The following SAMMSON variants were observed in gnomAD, a reference collection of about 807,000 sequenced individuals.
SAMMSON encodes the protein survival associated mitochondrial melanoma specific oncogenic non-coding RNA.
At chr3:70,116,434 T>C (rs530133582) in intron 4 of SAMMSON, among the ~76,000 whole-genome samples, 1 of 152,114 alleles carries the variant, frequency 6.6e-6, no homozygotes, top group African/African-American at 2.4e-5. Flanking sequence ...TCTATTTATT[T>C]ACATGAAAGG....
rs111944881 is a variant in SAMMSON, at chr3:70,196,455, A to T, written n.508-52652A>T. 6.2e-4 allele frequency among the ~76,000 whole-genome samples: 94 copies of T among 152,190 alleles called. 2 individuals are homozygous for T. The highest frequency in any genetic ancestry group is 3.5e-3 in the South Asian group (17 of 4,832). ...AAATTTTTAATTACAAAATGATGTT[A>T]TACAATACATTATTAATAATAACCA... On this transcript the variant is annotated intron_variant and non_coding_transcript_variant, in intron 4 of 9. Coordinates refer to ENST00000642114, the Ensembl canonical transcript of SAMMSON.
At chr3:70,032,975 GAC>G (rs1220269686) in intron 3 of SAMMSON, among the ~76,000 whole-genome samples, 1 of 152,136 alleles carries the variant, frequency 6.6e-6, no homozygotes, top group Non-Finnish European at 1.5e-5. Flanking sequence ...GGACAATTCT[GAC>G]ACACTGAGAG....
At chr3:70,213,947 A>G (rs963762876) in intron 4 of SAMMSON, among the ~76,000 whole-genome samples, 3 of 152,114 alleles carry the variant, frequency 2.0e-5, no homozygotes, top group African/African-American at 7.2e-5. Flanking sequence ...AGAAAAGCAT[A>G]ATAAAAGGTG....
chr3:70,065,805 A>T (rs2067207440), intron 3 of SAMMSON, among the ~76,000 whole-genome samples: 1 of 152,158 alleles, frequency 6.6e-6, no homozygotes, highest in African/African-American at 2.4e-5. Flanking sequence ...AATAGCGCCA[A>T]GGTGCAGAAA....
intron 7 of SAMMSON, among the ~76,000 whole-genome samples, chr3:70,346,833 TA>T (rs1702754966): frequency 6.6e-6 from 1 of 152,216 alleles, no homozygotes; most frequent in African/African-American, 2.4e-5. Flanking sequence ...TATATAATTG[TA>T]ATCCAGTCTT....
chr3:70,300,116 C>G (rs1702333286), intron 7 of SAMMSON, among the ~76,000 whole-genome samples: 1 of 152,114 alleles, frequency 6.6e-6, no homozygotes, highest in South Asian at 2.1e-4. Context: ...TGCTTCCTAC[C>G]TCTGAATCGC....
chr3:70,110,175 G>T (rs9851235), intron 4 of SAMMSON, among the ~76,000 whole-genome samples: 3 of 152,164 alleles, frequency 2.0e-5, no homozygotes, highest in African/African-American at 7.2e-5. Flanking sequence ...TCATATGTTC[G>T]TGTGTCTTTC....
At chr3:70,341,803 T>C (rs892372356) in intron 7 of SAMMSON, among the ~76,000 whole-genome samples, 2 of 151,932 alleles carry the variant, frequency 1.3e-5, no homozygotes, top group Admixed American at 1.3e-4. Flanking sequence ...ATTTCCTTGT[T>C]AAGACACAGT....
chr3:70,415,531 T>A (rs1234739837), intron 2 of SAMMSON, among the ~76,000 whole-genome samples: 1 of 152,130 alleles, frequency 6.6e-6, no homozygotes, highest in Non-Finnish European at 1.5e-5. Context: ...TAAGACTGGA[T>A]CTGGTTTTTA....
At chr3:70,221,631 T>G (rs902125768) in intron 4 of SAMMSON, among the ~76,000 whole-genome samples, 5 of 152,148 alleles carry the variant, frequency 3.3e-5, no homozygotes, top group Non-Finnish European at 5.9e-5. Context: ...CTAACCTGAT[T>G]TTGGAAACCA....
chr3:70,319,779 G>A (rs1010870222), intron 7 of SAMMSON, among the ~76,000 whole-genome samples: 1 of 151,952 alleles, frequency 6.6e-6, no homozygotes, highest in African/African-American at 2.4e-5. Flanking sequence ...TTACAAGTCA[G>A]TGGGAAGGAA....
intron 4 of SAMMSON, among the ~76,000 whole-genome samples, chr3:70,098,126 G>C (rs904172754): frequency 3.3e-5 from 5 of 152,120 alleles, no homozygotes; most frequent in African/African-American, 1.2e-4. Context: ...TGGATTTTTG[G>C]GGGATAGAGA....
chr3:70,060,317 T>C (rs1408819284), intron 3 of SAMMSON, among the ~76,000 whole-genome samples: 2 of 152,068 alleles, frequency 1.3e-5, no homozygotes, highest in Non-Finnish European at 2.9e-5. Context: ...AAGTCTGTGC[T>C]GTGAGAGCTT....
At chr3:70,029,475 G>A (rs9822884) in intron 3 of SAMMSON, among the ~76,000 whole-genome samples, 1 of 151,988 alleles carries the variant, frequency 6.6e-6, no homozygotes, top group African/African-American at 2.4e-5. Context: ...TTAATTTGGC[G>A]GGGCGTGGTA....
At chr3:70,375,453 T>C (rs1270076813) in intron 9 of SAMMSON, among the ~76,000 whole-genome samples, 1 of 151,748 alleles carries the variant, frequency 6.6e-6, no homozygotes, top group African/African-American at 2.4e-5. Context: ...ATATCGATGC[T>C]GTTCTAGACC....
intron 4 of SAMMSON, among the ~76,000 whole-genome samples, chr3:70,176,807 T>A (rs1486131946): frequency 6.6e-6 from 1 of 152,148 alleles, no homozygotes; most frequent in Non-Finnish European, 1.5e-5. Flanking sequence ...AATAAGAGTA[T>A]AAAAAGATGA....
intron 7 of SAMMSON, among the ~76,000 whole-genome samples, chr3:70,293,248 CATAAA>C (rs1221026244): frequency 6.6e-6 from 1 of 151,838 alleles, no homozygotes; most frequent in African/African-American, 2.4e-5. Context: ...TTCTTAAATG[CATAAA>C]ATAAAGTACA....
chr3:70,161,985 C>T (rs1044515571), intron 4 of SAMMSON, among the ~76,000 whole-genome samples: 12 of 151,518 alleles, frequency 7.9e-5, no homozygotes, highest in African/African-American at 2.7e-4. Flanking sequence ...AGTGGTAATT[C>T]TGCTCTTTCA....
intron 7 of SAMMSON, among the ~76,000 whole-genome samples, chr3:70,341,671 AT>A (rs1229623974): frequency 6.6e-6 from 1 of 152,140 alleles, no homozygotes; most frequent in Non-Finnish European, 1.5e-5. Flanking sequence ...TGTCAAGAAT[AT>A]AAATGTGATG....
Sources: gnomAD v4.1 joint callset for allele counts (sites outside exome capture counted in the v4.1 genomes callset) on GRCh38, gnomAD v4.1.1 for gene constraint, MANE v1.5 for transcripts, NCBI Gene and HGNC (gene_info 2026-07-23, HGNC 2026-07-21) for gene names.